Variants in DDX23 observed in about 807,000 individuals in gnomAD.
DDX23 encodes the protein DEAD-box helicase 23, also known as probable ATP-dependent RNA helicase DDX23.
A neutral mutation model predicts 102.7 loss-of-function variants in DDX23; 33 were observed. The ratio of observed to expected loss-of-function variants is 0.32; its 90% CI spans 0.24 to 0.43. The LOEUF (loss-of-function observed/expected upper bound fraction) is 0.43. DDX23 is among the 20% of genes least tolerant of loss of function. The pLI, the probability that DDX23 is intolerant of heterozygous loss-of-function variation, is 1.00. For missense variants in DDX23, 549 were observed against 1,086.6 expected (o/e 0.51, Z 6.96); for synonymous variants, 352 against 376.0 (o/e 0.94, Z 0.74).
In DDX23 at chr12:48,832,369, T is replaced by C; in HGVS notation, c.1955+53A>G. On this transcript the variant is annotated intron_variant, in intron 14 of 16. Coordinates refer to ENST00000308025, the MANE Select transcript of DDX23 (RefSeq NM_004818.3). The surrounding 1 kb of genome is among the most constrained non-coding windows in gnomAD (Gnocchi z 4.4). ...CCCTGCACCTGCACTAAAAAAGTTC[T>C]CAGAGCCATTTTATTCTCCACCCTG... 6.3e-7 allele frequency: 1 copy of C among 1,596,958 alleles called. No homozygotes were observed. The highest frequency in any genetic ancestry group is 8.6e-7 in the Non-Finnish European group (1 of 1,168,022).
At chr12:48,843,269 G>A (rs1207394321) in intron 3 of DDX23, among the ~76,000 whole-genome samples, 2 of 148,916 alleles carry the variant, frequency 1.3e-5, no homozygotes, top group Non-Finnish European at 3.0e-5. Context: ...ATCCCCCTCT[G>A]CAAGAAACAC....
chr12:48,851,871 T>C (rs1242027361), intron 1 of DDX23, among the ~76,000 whole-genome samples: 1 of 152,078 alleles, frequency 6.6e-6, no homozygotes, highest in Non-Finnish European at 1.5e-5. Flanking sequence ...GGGAGGAAAA[T>C]ATCGTGCAGG....
chr12:48,831,955 CTTG>C, intron 15 of DDX23, 120 bp downstream of exon 15: 2 of 871,784 alleles, frequency 2.3e-6, no homozygotes, highest in South Asian at 3.2e-5. Flanking sequence ...CTGGTCCTAA[CTTG>C]TTGATTGCTG....
Position 48,832,036 on chromosome 12 carries a change from G to A in DDX23, c.2064+42C>T. On this transcript the variant is annotated intron_variant, in intron 15 of 16. Coordinates refer to ENST00000308025, the MANE Select transcript of DDX23 (RefSeq NM_004818.3). This position sits in a 1 kb window ranked among gnomAD's most constrained non-coding sequence, Gnocchi z 4.4. The stretch of plus-strand genomic sequence containing the variant: ...GGGGCCCTGCTAGATTCAGAAAGCA[G>A]TGCCACAGAGGCTAGACTTTGTTCT... The A allele has an allele frequency of 6.3e-7, 1 of 1,585,026 alleles. No homozygotes were observed. Among genetic ancestry groups the A allele is most frequent in the Non-Finnish European group, 8.7e-7 (1 of 1,154,648 alleles).
intron 2 of DDX23, among the ~76,000 whole-genome samples, chr12:48,844,665 G>GT (rs973455208): frequency 3.4e-4 from 49 of 145,082 alleles, no homozygotes; most frequent in African/African-American, 1.1e-3. Context: ...TAGAGATCAG[G>GT]TATCACTGTG....
chr12:48,843,442 G>T (rs959642754), intron 3 of DDX23, among the ~76,000 whole-genome samples: 19 of 151,744 alleles, frequency 1.3e-4, no homozygotes, highest in Non-Finnish European at 2.5e-4. Context: ...TCCAGCCTGG[G>T]CAAAAGAGAC....
chr12:48,833,660 G>A (rs1164398500), intron 12 of DDX23, 141 bp from the exon 13 acceptor site: 28 of 1,051,390 alleles, frequency 2.7e-5, no homozygotes, highest in Non-Finnish European at 3.7e-5. Flanking sequence ...AGCAGTAAAG[G>A]CTCCTGCAAA....
At chr12:48,847,102 T>C (rs1406970542) in intron 1 of DDX23, among the ~76,000 whole-genome samples, 1 of 152,112 alleles carries the variant, frequency 6.6e-6, no homozygotes, top group African/African-American at 2.4e-5. Flanking sequence ...TGTATAAAGA[T>C]GAGAAAAGAA....
rs142861821 is a variant in DDX23, at chr12:48,836,228, C to T, written c.1275G>A (p.Gly425=). The T allele has an allele frequency of 3.0e-5, 49 of 1,614,038 alleles. No individual in the cohort carries two copies. The highest frequency in any genetic ancestry group is 4.2e-5 in the Non-Finnish European group (49 of 1,180,048). The part of the protein sequence containing the change: ...TPIQRQAIPI[G]LQNRDIIGVA... ...CACCAATGATGTCACGATTCTGTAGCCCAATGGGAATTGCCTGACGCTGTA... is the reference window on the plus strand; with the variant it reads ...CACCAATGATGTCACGATTCTGTAGTCCAATGGGAATTGCCTGACGCTGTA... Residue 425 remains glycine, a synonymous_variant, in exon 11 of 17, where the codon GGG becomes GGA. Coordinates refer to ENST00000308025, the MANE Select transcript of DDX23 (RefSeq NM_004818.3). The surrounding 1 kb of genome is among the most constrained non-coding windows in gnomAD (Gnocchi z 6.1).
Position 48,845,796 on chromosome 12 carries a change from GA to G in DDX23, c.1-15del. On this transcript the variant is annotated splice_polypyrimidine_tract_variant and intron_variant, in intron 1 of 16. Coordinates refer to ENST00000308025, the MANE Select transcript of DDX23 (RefSeq NM_004818.3). ...CTCTCCTGCCATCTGTAATGAGTAG[GA>G]AGAGTACTTACAATGTACTAGGCAC... 6.2e-7 allele frequency: 1 copy of G among 1,613,202 alleles called. No individual in the cohort carries two copies. The highest frequency in any genetic ancestry group is 1.3e-5 in the African/African-American group (1 of 75,046).
rs190277154 is a variant in DDX23 at position 48,833,137 on chromosome 12, C to A, written c.1803+140G>T. ...TGGCTGGCACCACAGGTGTGCACCA[C>A]CAATGCCCAGCTAATTTTTTAAATT... On this transcript the variant is annotated intron_variant, in intron 13 of 16. Coordinates refer to ENST00000308025, the MANE Select transcript of DDX23 (RefSeq NM_004818.3). 33 of 1,294,920 alleles carry A rather than the reference C, an allele frequency of 2.5e-5. No individual in the cohort carries two copies. In the East Asian group the frequency reaches 7.6e-4, roughly 30 times the overall value. 80.2% of individuals were successfully genotyped at this position (1,294,920 alleles called of 1,614,324 possible).
Position 48,845,598 on chromosome 12 carries a change from C to A in DDX23, c.185G>T (p.Arg62Leu). 6.2e-7 allele frequency: 1 copy of A among 1,614,204 alleles called. No homozygotes were observed. The highest frequency in any genetic ancestry group is 1.1e-5 in the South Asian group (1 of 91,086). ...CCTTTCTGCAGATTTGGAACGGGAA[C>A]GAGAGCGAGAACGGCTGCCTCCTCG... is the stretch of plus-strand genomic sequence containing the variant. ...RRRGGSRSRS[R>L]SRSKSAERER... The change falls in exon 2 of 17, where the codon CGT (arginine) becomes CTT (leucine). Residue 62 changes from arginine (R) to leucine (L), a missense_variant. By Grantham distance (102) the Arg-to-Leu change is moderately radical. Coordinates refer to ENST00000308025, the MANE Select transcript of DDX23 (RefSeq NM_004818.3).
rs1454454399 is a variant in DDX23, at chr12:48,832,064, C to T, written c.2064+14G>A. ...CCACAGAGGCTAGACTTTGTTCTCC[C>T]CTGCCAGACACACCCCCATCTTCTC... is the stretch of plus-strand genomic sequence containing the variant. On this transcript the variant is annotated intron_variant, in intron 15 of 16. Transcript: ENST00000308025. The surrounding 1 kb of genome is among the most constrained non-coding windows in gnomAD (Gnocchi z 4.4). The T allele has an allele frequency of 2.5e-6, 4 of 1,613,194 alleles. No homozygotes were observed. In the South Asian group the frequency reaches 4.4e-5, roughly 18 times the overall value.
chr12:48,837,311 G>T lies in DDX23; in HGVS notation c.836C>A (p.Ser279Tyr). 2 of 1,614,166 alleles carry T rather than the reference G, an allele frequency of 1.2e-6. No homozygotes were observed. The highest frequency in any genetic ancestry group is 1.7e-6 in the Non-Finnish European group (2 of 1,180,036). Residue 279 changes from serine to tyrosine, a missense_variant, in exon 8 of 17, where the codon TCT becomes TAT. Transcript: ENST00000308025. ...GTTGTAGTCAATGGATGTGTCCTCAGATGCATCCCACTCAAAAACAAATTT... is the reference window on the plus strand; with the variant it reads ...GTTGTAGTCAATGGATGTGTCCTCATATGCATCCCACTCAAAAACAAATTT... ...DRKFVFEWDA[S>Y]EDTSIDYNPL...
chr12:48,843,452 C>T (rs990794497), intron 3 of DDX23, among the ~76,000 whole-genome samples: 1 of 151,556 alleles, frequency 6.6e-6, no homozygotes. Context: ...GCAAAAGAGA[C>T]CCTGCCTCAA....
intron 1 of DDX23, among the ~76,000 whole-genome samples, chr12:48,851,653 G>C (rs1333919695): frequency 6.6e-6 from 1 of 152,306 alleles, no homozygotes; most frequent in Non-Finnish European, 1.5e-5. Flanking sequence ...AGTATAAGTA[G>C]AATTTTAAGA....
chr12:48,830,347 G>A lies in DDX23; in HGVS notation c.*122C>T, dbSNP rs777431082. On this transcript the variant is annotated 3_prime_UTR_variant, in exon 17 of 17. Transcript: ENST00000308025. This position sits in a 1 kb window ranked among gnomAD's most constrained non-coding sequence, Gnocchi z 4.9. Reference sequence around the variant, plus strand: ...CCTGAGGGTCTGGGCTAGGGAGTTGGATTGTTTTCCTAAGCCCCCATATCC... The same window carrying A: ...CCTGAGGGTCTGGGCTAGGGAGTTGAATTGTTTTCCTAAGCCCCCATATCC... 9 of 1,203,436 alleles carry A rather than the reference G, an allele frequency of 7.5e-6. No individual in the cohort carries two copies. In the African/African-American group the frequency reaches 1.4e-4, roughly 18 times the overall value. The allele number at this position is 1,203,436 out of a possible 1,614,324, so 74.5% of individuals were successfully genotyped here.
At chr12:48,842,726 G>C (rs1250724130) in intron 3 of DDX23, among the ~76,000 whole-genome samples, 4 of 151,206 alleles carry the variant, frequency 2.6e-5, no homozygotes, top group Non-Finnish European at 1.5e-5. Flanking sequence ...GGTGAGGGGC[G>C]CCTCTGCCCG....
rs1478857004 is a variant in DDX23, at chr12:48,836,457, C to T, written c.1236+112G>A. On this transcript the variant is annotated intron_variant, in intron 10 of 16. Coordinates refer to ENST00000308025, the MANE Select transcript of DDX23 (RefSeq NM_004818.3). The surrounding 1 kb of genome is among the most constrained non-coding windows in gnomAD (Gnocchi z 6.1). ...TACCAGAAAGTGACAGAAAAGGTCA[C>T]ATTGGTGCCCACTAGCAGCGATGGC... is the stretch of plus-strand genomic sequence containing the variant. 7.9e-7 allele frequency: 1 copy of T among 1,273,228 alleles called. No homozygotes were observed. The highest frequency in any genetic ancestry group is 1.1e-6 in the Non-Finnish European group (1 of 900,944). The allele number at this position is 1,273,228 out of a possible 1,614,324, so 78.9% of individuals were successfully genotyped here. A position where few individuals can be genotyped will look rare whatever the true frequency, so the allele number is the denominator to read the frequency against.
Sources: gnomAD v4.1 joint callset for allele counts (sites outside exome capture counted in the v4.1 genomes callset) on GRCh38, gnomAD v4.1.1 for gene constraint, Gnocchi (gnomAD v3.1) non-coding constraint, MANE v1.5 for transcripts, NCBI Gene and HGNC (gene_info 2026-07-23, HGNC 2026-07-21) for gene names.